PAK2: variants seen among roughly 807,000 people sequenced by gnomAD.
PAK2 encodes the protein serine/threonine-protein kinase PAK 2.
PAK2 carries 21 observed loss-of-function variants against 65.9 expected under a neutral mutation model. That is an observed-to-expected ratio of 0.32 (90% CI 0.23 to 0.46). The LOEUF (loss-of-function observed/expected upper bound fraction) is 0.46. Among genes scored for constraint, PAK2 ranks in the 20% least tolerant of loss-of-function variants. PAK2 has a pLI of 1.00. For synonymous variants in PAK2, 204 were observed against 219.7 expected (o/e 0.93, Z 0.63); for missense variants, 324 against 642.6 (o/e 0.50, Z 5.36).
At chr3:196,778,937 G>T (rs899434751) in intron 1 of PAK2, among the ~76,000 whole-genome samples, 4 of 152,184 alleles carry the variant, frequency 2.6e-5, no homozygotes, top group Admixed American at 2.6e-4. Flanking sequence ...TTAGATTAGG[G>T]GATAAGTAAT....
chr3:196,829,486 A>G lies in PAK2; in HGVS notation c.*1081A>G, dbSNP rs1280360033. ...TAGCTTTTTTCCACTTAAAGGAGAA[A>G]AATATTTGGGACTAGCAGCAGAGGC... On this transcript the variant is annotated 3_prime_UTR_variant, in exon 15 of 15. Transcript: ENST00000327134. 1 of 152,194 alleles carries G rather than the reference A, an allele frequency of 6.6e-6. No homozygotes were observed. The highest frequency in any genetic ancestry group is 1.5e-5 in the Non-Finnish European group (1 of 68,038). The allele number at this position is 152,194 out of a possible 1,614,324, so 9.4% of individuals were successfully genotyped here.
chr3:196,797,268 C>T lies in PAK2; in HGVS notation c.188-4659C>T, dbSNP rs544895453. On this transcript the variant is annotated intron_variant, in intron 2 of 14. Coordinates refer to ENST00000327134, the MANE Select transcript of PAK2 (RefSeq NM_002577.4). ...TCACTTGAGGTCAGGAGTTCGAGAC[C>T]GGCCTGGCCAACATGGTGAAACCGT... Among the ~76,000 whole-genome samples, 27 of 152,036 alleles carry T rather than the reference C, an allele frequency of 1.8e-4. No homozygotes were observed. The South Asian group carries it at 4.0e-3, about 22-fold the overall frequency.
intron 1 of PAK2, among the ~76,000 whole-genome samples, chr3:196,762,320 CG>C (rs915875808): frequency 7.4e-6 from 1 of 135,246 alleles, no homozygotes; most frequent in Admixed American, 7.4e-5. Context: ...GCTGCAATCT[CG>C]GCACTTTGGG....
At chr3:196,767,571 C>G (rs1714212664) in intron 1 of PAK2, among the ~76,000 whole-genome samples, 1 of 150,796 alleles carries the variant, frequency 6.6e-6, no homozygotes, top group Non-Finnish European at 1.5e-5. Flanking sequence ...TCACTGCAAC[C>G]TCCGCCTCCC....
At chr3:196,818,576 A>C (rs964581471) in intron 12 of PAK2, among the ~76,000 whole-genome samples, 1 of 152,186 alleles carries the variant, frequency 6.6e-6, no homozygotes, top group African/African-American at 2.4e-5. Context: ...CACATTGGTC[A>C]GGCTGGTCTC....
chr3:196,780,054 AGCCAGCTGCAT>A (rs1714658040), intron 1 of PAK2, among the ~76,000 whole-genome samples: 1 of 152,256 alleles, frequency 6.6e-6, no homozygotes, highest in Non-Finnish European at 1.5e-5. Flanking sequence ...ACTTAGGAAT[AGCCAGCTGCAT>A]GCTGCTTGCA....
chr3:196,817,385 C>G (rs1449506054), intron 11 of PAK2, among the ~76,000 whole-genome samples: 1 of 151,828 alleles, frequency 6.6e-6, no homozygotes, highest in Non-Finnish European at 1.5e-5. Flanking sequence ...GAGTCTTGCT[C>G]TGTCACCCAG....
Position 196,759,498 on chromosome 3 carries a change from G to GTTTTTTTTTTTTTTTTTTTTTT in PAK2, c.-22+19359_-22+19380dup, listed in dbSNP as rs71301221. Among the ~76,000 whole-genome samples, 16 of 108,158 alleles carry GTTTTTTTTTTTTTTTTTTTTTT rather than the reference G, an allele frequency of 1.5e-4. 1 individual carries two copies. The highest frequency in any genetic ancestry group is 4.4e-4 in the Admixed American group (4 of 9,060). 71.0% of individuals were successfully genotyped at this position (108,158 alleles called of 152,430 possible). A position where few individuals can be genotyped will look rare whatever the true frequency, so the allele number is the denominator to read the frequency against. The stretch of plus-strand genomic sequence containing the variant: ...GGTATACAGTTAAGTGGTTTTTTTT[G>GTTTTTTTTTTTTTTTTTTTTTT]TTTTTTTTTTTTTTTTTTTTTTTTT... On this transcript the variant is annotated intron_variant, in intron 1 of 14. Transcript: ENST00000327134.
At chr3:196,783,490 G>A (rs774689083) in intron 2 of PAK2, among the ~76,000 whole-genome samples, 2 of 151,180 alleles carry the variant, frequency 1.3e-5, no homozygotes, top group Admixed American at 6.6e-5. Flanking sequence ...GCTGAGGCAG[G>A]AGAATCACTT....
At chr3:196,762,097 T>C (rs1390885064) in intron 1 of PAK2, among the ~76,000 whole-genome samples, 4 of 119,932 alleles carry the variant, frequency 3.3e-5, no homozygotes, top group African/African-American at 1.3e-4. Context: ...ACATCCCAGA[T>C]GGGGCGGCGG....
At chr3:196,811,205 TCCTTCCCTTCCCTCCCTCCCTTC>T (rs1715780015) in intron 8 of PAK2, among the ~76,000 whole-genome samples, 1 of 46,960 alleles carries the variant, frequency 2.1e-5, no homozygotes, top group African/African-American at 8.3e-5. Context: ...CTTCCTCCCT[TCCTTCCCTTCCCTCCCTCCCTTC>T]CCTTCCCTTC....
Position 196,827,124 on chromosome 3 carries a change from T to A in PAK2, c.1351-72T>A. 3 of 909,968 alleles carry A rather than the reference T, an allele frequency of 3.3e-6. No individual in the cohort carries two copies. The East Asian group carries it at 7.9e-5, about 24-fold the overall frequency. The allele number at this position is 909,968 out of a possible 1,614,324, so 56.4% of individuals were successfully genotyped here. A position where few individuals can be genotyped will look rare whatever the true frequency, so the allele number is the denominator to read the frequency against. On this transcript the variant is annotated intron_variant, in intron 13 of 14. Coordinates refer to ENST00000327134, the MANE Select transcript of PAK2 (RefSeq NM_002577.4). ...TTTCTTTAAAGAAGAAAGAATCCCT[T>A]AGACTTTATGGAGTGCTCTGTGACC...
intron 10 of PAK2, among the ~76,000 whole-genome samples, chr3:196,813,128 G>C (rs1487171291): frequency 3.9e-5 from 6 of 152,044 alleles, no homozygotes; most frequent in Non-Finnish European, 7.4e-5. Context: ...ATGAATGGTT[G>C]GCTGTGATTC....
At chr3:196,750,909 G>A (rs564523037) in intron 1 of PAK2, among the ~76,000 whole-genome samples, 4 of 151,718 alleles carry the variant, frequency 2.6e-5, no homozygotes, top group East Asian at 1.9e-4. Flanking sequence ...CATCTTAAAC[G>A]TTCTTAAGTG....
intron 2 of PAK2, among the ~76,000 whole-genome samples, chr3:196,793,858 C>T (rs6775346): frequency 0.038 from 5,734 of 152,258 alleles, 146 homozygotes; most frequent in Middle Eastern, 0.068. Flanking sequence ...CCTGCTGGAG[C>T]GGTGGCTCAC....
chr3:196,804,103 A>G (rs1304297662), intron 4 of PAK2, among the ~76,000 whole-genome samples: 1 of 152,062 alleles, frequency 6.6e-6, no homozygotes, highest in African/African-American at 2.4e-5. Flanking sequence ...TCAGGATGTC[A>G]TTTTTCAATA....
chr3:196,794,515 G>A (rs1236093574), intron 2 of PAK2, among the ~76,000 whole-genome samples: 1 of 152,188 alleles, frequency 6.6e-6, no homozygotes, highest in Non-Finnish European at 1.5e-5. Context: ...CCAATTCACA[G>A]TGTCTACACA....
At position 196,801,876 on chromosome 3, in the gene PAK2, A is replaced by C. The variant is rs780556566; in HGVS notation, c.188-51A>C. ...AAATAAAATTATAAGTGCCTTTACT[A>C]GTCTTGTTTAAATAGGCTGATTCTT... On this transcript the variant is annotated intron_variant, in intron 2 of 14. Transcript: ENST00000327134. 1.1e-5 allele frequency: 10 copies of C among 870,758 alleles called. No individual in the cohort carries two copies. In the South Asian group the frequency reaches 1.4e-4, roughly 12 times the overall value. The allele number at this position is 870,758 out of a possible 1,614,324, so 53.9% of individuals were successfully genotyped here.
At chr3:196,744,274 T>G (rs1713298815) in intron 1 of PAK2, among the ~76,000 whole-genome samples, 2 of 152,216 alleles carry the variant, frequency 1.3e-5, no homozygotes, top group Non-Finnish European at 2.9e-5. Flanking sequence ...TAAAAACTTT[T>G]AAGACAAAAT....
Sources: allele counts gnomAD v4.1 joint callset (sites outside exome capture counted in the v4.1 genomes callset), GRCh38; gene constraint gnomAD v4.1.1; transcripts MANE v1.5; gene names NCBI Gene and HGNC (gene_info 2026-07-23, HGNC 2026-07-21).